ERBB4: variants seen among roughly 807,000 people sequenced by gnomAD.
ERBB4 encodes receptor tyrosine-protein kinase erbB-4.
Under a neutral mutation model 158.0 loss-of-function variants are expected in ERBB4, and 42 were observed. The observed-to-expected ratio is 0.27, with a 90% CI of 0.21 to 0.34. The LOEUF (loss-of-function observed/expected upper bound fraction) is 0.34, where lower values mean the gene tolerates loss of function less well. Ranked by LOEUF, ERBB4 falls within the 10% of genes least tolerant of loss-of-function variation. The pLI is 1.00. For missense variants in ERBB4, 1,333 were observed against 1,624.1 expected, an observed-to-expected ratio of 0.82 and a Z score of 3.08; for synonymous variants, 583 against 558.7, an observed-to-expected ratio of 1.04 and a Z score of -0.61.
At chr2:212,069,003 T>C (rs924138523) in intron 2 of ERBB4, among the ~76,000 whole-genome samples, 1 of 152,078 alleles carries the variant, frequency 6.6e-6, no homozygotes, top group African/African-American at 2.4e-5. Context: ...TGCCACCATG[T>C]AAGACATCAC....
At chr2:212,077,075 A>G (rs1260968044) in intron 2 of ERBB4, among the ~76,000 whole-genome samples, 1 of 152,050 alleles carries the variant, frequency 6.6e-6, no homozygotes, top group Admixed American at 6.6e-5. Flanking sequence ...AGAAAAAAGT[A>G]AAACCAAAAT....
In ERBB4 at chr2:212,170,931, G is replaced by A. The variant is rs535668808; in HGVS notation, c.83-46028C>T. On this transcript the variant is annotated intron_variant, in intron 1 of 27. Coordinates refer to ENST00000342788, the MANE Select transcript of ERBB4 (RefSeq NM_005235.3). Reference sequence around the variant, plus strand: ...GGACCCCCTCACAGATTCCCCACCAGGGCACTGCCTAGTGGAGCTGTAAGA... The same window carrying A: ...GGACCCCCTCACAGATTCCCCACCAAGGCACTGCCTAGTGGAGCTGTAAGA... Among the ~76,000 whole-genome samples the A allele has an allele frequency of 3.7e-4, 57 of 152,256 alleles. No homozygotes were observed. In the South Asian group the frequency reaches 0.011, roughly 30 times the overall value.
At position 211,946,576 on chromosome 2, in the gene ERBB4, C is replaced by CTCT. The variant is rs1469968699; in HGVS notation, c.421+853_421+854insAGA. On this transcript the variant is annotated intron_variant, in intron 3 of 27. Coordinates refer to ENST00000342788, the MANE Select transcript of ERBB4 (RefSeq NM_005235.3). Reference sequence around the variant, plus strand: ...TACTAATTATTTACTAATTAGCTCTCTTTTTTTTTTTTTTTTTTTTTTTTT... The same window carrying CTCT: ...TACTAATTATTTACTAATTAGCTCTCTCTTTTTTTTTTTTTTTTTTTTTTTTTT... Among the ~76,000 whole-genome samples the CTCT allele has an allele frequency of 4.0e-3, 199 of 49,632 alleles. 6 individuals are homozygous for CTCT. The highest frequency in any genetic ancestry group is 0.025 in the Middle Eastern group (1 of 40). 32.6% of individuals were successfully genotyped at this position (49,632 alleles called of 152,430 possible).
At chr2:211,903,411 T>A (rs1321505521) in intron 3 of ERBB4, among the ~76,000 whole-genome samples, 1 of 152,008 alleles carries the variant, frequency 6.6e-6, no homozygotes, top group East Asian at 1.9e-4. Context: ...AAAAGAAACA[T>A]CTAAGCAAAA....
chr2:212,064,302 T>C (rs1559424507), intron 2 of ERBB4, among the ~76,000 whole-genome samples: 1 of 152,142 alleles, frequency 6.6e-6, no homozygotes, highest in Non-Finnish European at 1.5e-5. Context: ...GTTTAAAATA[T>C]GGGCAGTGTA....
At chr2:212,406,713 G>A (rs1394530213) in intron 1 of ERBB4, among the ~76,000 whole-genome samples, 1 of 152,056 alleles carries the variant, frequency 6.6e-6, no homozygotes, top group African/African-American at 2.4e-5. Flanking sequence ...TGTCATTTGG[G>A]ATAATGTATT....
At chr2:211,628,111 CAGAA>C (rs1266578980) in intron 17 of ERBB4, among the ~76,000 whole-genome samples, 1 of 151,884 alleles carries the variant, frequency 6.6e-6, no homozygotes, top group Non-Finnish European at 1.5e-5. Flanking sequence ...TGTTTTGAAA[CAGAA>C]AGACTCTCTC....
chr2:212,066,990 T>C (rs552696764), intron 2 of ERBB4, among the ~76,000 whole-genome samples: 89 of 152,082 alleles, frequency 5.9e-4, no homozygotes, highest in African/African-American at 2.0e-3. Flanking sequence ...AAGAAAGAAT[T>C]ATGGTTTTTA....
At chr2:211,790,062 C>T (rs746400806) in intron 3 of ERBB4, among the ~76,000 whole-genome samples, 2 of 152,052 alleles carry the variant, frequency 1.3e-5, no homozygotes, top group Admixed American at 6.6e-5. Context: ...ATGACCTAAC[C>T]ATACAACCTT....
At chr2:211,739,819 A>G (rs1469907587) in intron 5 of ERBB4, among the ~76,000 whole-genome samples, 2 of 152,224 alleles carry the variant, frequency 1.3e-5, no homozygotes, top group Non-Finnish European at 2.9e-5. Context: ...TTAGAAAAGA[A>G]AGCATTGGTA....
At chr2:211,990,054 A>G (rs2082032996) in intron 2 of ERBB4, among the ~76,000 whole-genome samples, 1 of 151,662 alleles carries the variant, frequency 6.6e-6, no homozygotes, top group Non-Finnish European at 1.5e-5. Flanking sequence ...GAAAAAAAAA[A>G]TAGACAGAAT....
chr2:211,865,897 A>T (rs546391181), intron 3 of ERBB4, among the ~76,000 whole-genome samples: 1 of 152,218 alleles, frequency 6.6e-6, no homozygotes, highest in Non-Finnish European at 1.5e-5. Context: ...TTAATTCTTT[A>T]AAGTGTAAAA....
At chr2:211,985,379 G>T (rs183766733) in intron 2 of ERBB4, among the ~76,000 whole-genome samples, 1 of 151,864 alleles carries the variant, frequency 6.6e-6, no homozygotes, top group Non-Finnish European at 1.5e-5. Context: ...TAGATTTTTC[G>T]GTATTTGTAA....
chr2:211,567,494 T>TAA (rs2067584737), intron 19 of ERBB4, among the ~76,000 whole-genome samples: 2 of 152,178 alleles, frequency 1.3e-5, no homozygotes, highest in African/African-American at 2.4e-5. Flanking sequence ...GAGGGTAGTA[T>TAA]TTGATAAATG....
chr2:211,729,340 A>T (rs762174236), intron 5 of ERBB4, among the ~76,000 whole-genome samples: 1 of 151,768 alleles, frequency 6.6e-6, no homozygotes, highest in Non-Finnish European at 1.5e-5. Context: ...TTTTCAAAGT[A>T]AATTACATTC....
chr2:212,509,848 G>A (rs1427921333), intron 1 of ERBB4, among the ~76,000 whole-genome samples: 1 of 151,802 alleles, frequency 6.6e-6, no homozygotes, highest in African/African-American at 2.4e-5. Flanking sequence ...GTTATGATAT[G>A]AGTTTCATTT....
intron 20 of ERBB4, among the ~76,000 whole-genome samples, chr2:211,555,346 C>T (rs763211124): frequency 9.9e-5 from 15 of 152,180 alleles, no homozygotes; most frequent in East Asian, 7.8e-4. Flanking sequence ...CCCCTATGCC[C>T]GGCTAATTTT....
intron 1 of ERBB4, among the ~76,000 whole-genome samples, chr2:212,501,113 T>C (rs1690864745): frequency 6.6e-6 from 1 of 152,112 alleles, no homozygotes; most frequent in African/African-American, 2.4e-5. Flanking sequence ...ACACAGCAAA[T>C]AACACCAGTA....
At position 212,520,815 on chromosome 2, in the gene ERBB4, A is replaced by G. The variant is rs141032962; in HGVS notation, c.82+17634T>C. Among the ~76,000 whole-genome samples, 98 of 152,116 alleles carry G rather than the reference A, an allele frequency of 6.4e-4. 1 individual carries two copies. In the East Asian group the frequency reaches 0.017, roughly 26 times the overall value. On this transcript the variant is annotated intron_variant, in intron 1 of 27. Transcript: ENST00000342788. ...GCAGAAATCGCCCTTGCCATTACTA[A>G]TATCTTTTTTAAGCATGTACGGTTT...
Sources: gnomAD v4.1 joint callset for allele counts (sites outside exome capture counted in the v4.1 genomes callset) on GRCh38, gnomAD v4.1.1 for gene constraint, MANE v1.5 for transcripts, NCBI Gene and HGNC (gene_info 2026-07-23, HGNC 2026-07-21) for gene names.